KMT2C: variants seen among roughly 807,000 people sequenced by gnomAD.
KMT2C encodes the protein lysine methyltransferase 2C, also known as histone-lysine N-methyltransferase 2C.
In KMT2C, 88 loss-of-function variants were observed where a neutral mutation model predicts 507.9. That is an observed-to-expected ratio of 0.17 (90% CI 0.15 to 0.21). The LOEUF (loss-of-function observed/expected upper bound fraction) is 0.21. Ranked by LOEUF, KMT2C falls within the 10% of genes least tolerant of loss-of-function variation. The probability of loss-of-function intolerance (pLI) is 1.00; values close to 1 mark genes in which losing one functional copy is unlikely to be tolerated. For missense variants in KMT2C, 4,954 were observed against 5,957.8 expected (o/e 0.83, Z 5.55); for synonymous variants, 2,049 against 2,080.8 (o/e 0.98, Z 0.42).
chr7:152,413,948 A>G (rs1246652508), intron 1 of KMT2C, among the ~76,000 whole-genome samples: 3 of 151,922 alleles, frequency 2.0e-5, no homozygotes, highest in African/African-American at 7.3e-5. Context: ...GCGATGGCTC[A>G]TGCCTGTAAT....
rs587778490 is a variant in KMT2C, at chr7:152,194,505, C to A, written c.4442G>T (p.Arg1481Leu). Residue 1481 changes from arginine (R) to leucine (L), a missense_variant, in exon 29 of 59, where the codon CGA (arginine) becomes CTA (leucine). Arg to Leu is a moderately radical substitution (Grantham distance 102). Around this residue, in one of 29 missense-constraint regions of KMT2C, gnomAD observed 6 missense variants for 20.8 expected, o/e 0.29. Coordinates refer to ENST00000262189, the MANE Select transcript of KMT2C (RefSeq NM_170606.3). ...ATCTAGCTGTTCTTCACTTAATGGT[C>A]GTGAACTCTGATTGACATTTGGCTG... ...LPQPNVNQSS[R>L]PLSEEQLDGI... The A allele has an allele frequency of 1.2e-6, 2 of 1,612,522 alleles. No homozygotes were observed. The highest frequency in any genetic ancestry group is 2.2e-5 in the South Asian group (2 of 90,964).
At chr7:152,258,295 T>C (rs1215506214) in intron 9 of KMT2C, among the ~76,000 whole-genome samples, 2 of 152,054 alleles carry the variant, frequency 1.3e-5, no homozygotes, top group Non-Finnish European at 2.9e-5. Context: ...AAAAAATAAT[T>C]AGGTAATGAG....
rs182888063 is a variant in KMT2C at position 152,351,052 on chromosome 7, C to T, written c.250+7535G>A. On this transcript the variant is annotated intron_variant, in intron 2 of 58. Coordinates refer to ENST00000262189, the MANE Select transcript of KMT2C (RefSeq NM_170606.3). ...CTTTCCACCTCCACATTTTGCCCTG[C>T]TGGAAGGTCTTCAGCGACAATAACA... Among the ~76,000 whole-genome samples, 16 of 152,250 alleles carry T rather than the reference C, an allele frequency of 1.1e-4. No individual in the cohort carries two copies. In the East Asian group the frequency reaches 2.9e-3, roughly 28 times the overall value.
At chr7:152,146,442 G>A (rs1030808612) in intron 53 of KMT2C, among the ~76,000 whole-genome samples, 157 bp downstream of exon 53, 3 of 152,188 alleles carry the variant, frequency 2.0e-5, no homozygotes, top group Non-Finnish European at 2.9e-5. Context: ...GAGCTCTCCC[G>A]ATTAATCACC....
chr7:152,297,119 T>C (rs761885300), intron 6 of KMT2C, among the ~76,000 whole-genome samples: 1 of 151,216 alleles, frequency 6.6e-6, no homozygotes, highest in Non-Finnish European at 1.5e-5. Context: ...TGAATATATG[T>C]GAACATATAT....
chr7:152,290,251 T>G (rs2096391049), intron 6 of KMT2C, among the ~76,000 whole-genome samples: 1 of 93,508 alleles, frequency 1.1e-5, no homozygotes, highest in East Asian at 2.7e-4. Context: ...TGTGTGTGTG[T>G]GTATGTGTAT....
intron 9 of KMT2C, among the ~76,000 whole-genome samples, chr7:152,260,334 C>T (rs976876399): frequency 1.3e-5 from 2 of 152,020 alleles, no homozygotes; most frequent in African/African-American, 4.8e-5. Flanking sequence ...GGAGACAGAA[C>T]AAGCTGAGAA....
chr7:152,155,365 T>G (rs1326748016), intron 46 of KMT2C, among the ~76,000 whole-genome samples: 1 of 152,240 alleles, frequency 6.6e-6, no homozygotes, highest in Non-Finnish European at 1.5e-5. Context: ...AAGAACCCTC[T>G]GGATCTAAAG....
intron 6 of KMT2C, among the ~76,000 whole-genome samples, chr7:152,307,572 A>T (rs926046457): frequency 2.6e-5 from 4 of 152,146 alleles, no homozygotes; most frequent in African/African-American, 7.2e-5. Flanking sequence ...TCTGCATTTA[A>T]CTTGCTTAGG....
In KMT2C at chr7:152,182,214, A is replaced by G. The variant is rs535130931; in HGVS notation, c.5646T>C (p.Phe1882=). The change falls in exon 36 of 59, where the codon TTT becomes TTC. Residue 1882 remains phenylalanine (F), a synonymous_variant. Coordinates refer to ENST00000262189, the MANE Select transcript of KMT2C (RefSeq NM_170606.3). ...QTSQPPSPQV[F]SPGSSNSRPP... is the part of the protein sequence containing the mutation. ...GTCGTGAGTTAGAGGACCCAGGTGA[A>G]AACACTTGCGGTGAGGGTGGCTGAG... 1 of 1,614,108 alleles carries G rather than the reference A, an allele frequency of 6.2e-7. No homozygotes were observed. Among genetic ancestry groups the G allele is most frequent in the African/African-American group, 1.3e-5 (1 of 74,998 alleles).
chr7:152,169,133 G>T, intron 41 of KMT2C, 53 bp downstream of exon 41: 1 of 1,101,662 alleles, frequency 9.1e-7, no homozygotes, highest in South Asian at 1.2e-5. Context: ...AGCACACATA[G>T]AGTGCAGACA....
intron 1 of KMT2C, among the ~76,000 whole-genome samples, chr7:152,433,738 G>T (rs1458001602): frequency 6.6e-6 from 1 of 152,152 alleles, no homozygotes; most frequent in East Asian, 1.9e-4. Flanking sequence ...TTCTTCATGA[G>T]ATTCAGAATT....
intron 1 of KMT2C, among the ~76,000 whole-genome samples, chr7:152,365,285 CG>C (rs1564002667): frequency 2.0e-5 from 3 of 152,260 alleles, no homozygotes; most frequent in African/African-American, 7.2e-5. Context: ...CCGAGGCAGG[CG>C]GATCACCTGA....
At chr7:152,183,246 A>AG in intron 34 of KMT2C, 90 bp from the exon 35 acceptor site, 1 of 1,096,154 alleles carries the variant, frequency 9.1e-7, no homozygotes, top group Non-Finnish European at 1.3e-6. Context: ...CTCAAATAAA[A>AG]GAAAAAAAAG....
chr7:152,181,342 G>C lies in KMT2C; in HGVS notation c.6518C>G (p.Pro2173Arg). 1 of 1,614,000 alleles carries C rather than the reference G, an allele frequency of 6.2e-7. No homozygotes were observed. Among genetic ancestry groups the C allele is most frequent in the Non-Finnish European group, 8.5e-7 (1 of 1,180,004 alleles). ...PGTPRPTTVDPYSQQPQTPRP... is the reference protein window; with the variant it reads ...PGTPRPTTVDRYSQQPQTPRP... ...TGGGGTTTGGGGCTGCTGACTATAT[G>C]GGTCAACAGTAGTAGGCCGGGGAGT... Residue 2173 changes from proline (P) to arginine (R), a missense_variant, in exon 36 of 59, where the codon CCA (proline) becomes CGA (arginine). By Grantham distance (103) the Pro-to-Arg change is moderately radical. Around this residue, in one of 29 missense-constraint regions of KMT2C, gnomAD observed 1,689 missense variants for 1,654.3 expected, o/e 1.02. Transcript: ENST00000262189.
chr7:152,384,657 T>G (rs2097407373), intron 1 of KMT2C, among the ~76,000 whole-genome samples: 1 of 150,036 alleles, frequency 6.7e-6, no homozygotes, highest in East Asian at 2.1e-4. Flanking sequence ...TTTAGAGATC[T>G]TGTCTTTGGG....
chr7:152,185,518 T>C, intron 34 of KMT2C, 40 bp downstream of exon 34: 2 of 1,440,196 alleles, frequency 1.4e-6, no homozygotes, highest in South Asian at 1.1e-5. Context: ...TCAAGCACTG[T>C]ATTTAAATAT....
chr7:152,139,420 G>C (rs574984447), intron 56 of KMT2C, among the ~76,000 whole-genome samples, 161 bp from the exon 57 acceptor site: 1 of 152,176 alleles, frequency 6.6e-6, no homozygotes, highest in Non-Finnish European at 1.5e-5. Context: ...TACATGGCAC[G>C]AATGGAAAGC....
At chr7:152,331,191 T>C (rs2096878839) in intron 2 of KMT2C, among the ~76,000 whole-genome samples, 1 of 151,952 alleles carries the variant, frequency 6.6e-6, no homozygotes, top group Admixed American at 6.6e-5. Flanking sequence ...GCTTATAATG[T>C]CAGCTACTCA....
Sources: gnomAD v4.1 joint callset for allele counts (sites outside exome capture counted in the v4.1 genomes callset) on GRCh38, gnomAD v4.1.1 for gene constraint, gnomAD v4.1.1 regional missense constraint, MANE v1.5 for transcripts, NCBI Gene and HGNC (gene_info 2026-07-23, HGNC 2026-07-21) for gene names.